PHLPP1: variants seen among roughly 807,000 people sequenced by gnomAD.
PHLPP1 encodes PH domain leucine-rich repeat-containing protein phosphatase 1.
PHLPP1 carries 42 observed loss-of-function variants against 117.2 expected under a neutral mutation model. The observed-to-expected ratio is 0.36, with a 90% CI of 0.28 to 0.46. The LOEUF (loss-of-function observed/expected upper bound fraction) is 0.46. PHLPP1 is among the 20% of genes least tolerant of loss of function. The pLI is 1.00. For synonymous variants in PHLPP1, 1,042 were observed against 970.7 expected (o/e 1.07, Z -1.37); for missense variants, 2,084 against 2,241.9 (o/e 0.93, Z 1.42).
chr18:62,926,221 C>T (rs1206116961), intron 10 of PHLPP1, among the ~76,000 whole-genome samples: 1 of 152,046 alleles, frequency 6.6e-6, no homozygotes, highest in Non-Finnish European at 1.5e-5. Flanking sequence ...CCCTATTTCT[C>T]CCAAAAAAAT....
At chr18:62,931,525 A>G (rs1188656172) in intron 10 of PHLPP1, among the ~76,000 whole-genome samples, 3 of 152,036 alleles carry the variant, frequency 2.0e-5, no homozygotes, top group East Asian at 1.9e-4. Flanking sequence ...ACCAAAAAAA[A>G]AAAAGAGTCA....
chr18:62,772,973 C>A (rs1254515953), intron 1 of PHLPP1, among the ~76,000 whole-genome samples: 1 of 150,362 alleles, frequency 6.7e-6, no homozygotes. Context: ...CCAAAAAAAA[C>A]TCTAAAATTG....
At chr18:62,869,525 C>A (rs948282834) in intron 4 of PHLPP1, among the ~76,000 whole-genome samples, 6 of 152,150 alleles carry the variant, frequency 3.9e-5, no homozygotes, top group Non-Finnish European at 5.9e-5. Context: ...TCATCACTAT[C>A]CTGACTTAGA....
At chr18:62,824,325 A>G in intron 1 of PHLPP1, 1 of 399,190 alleles carries the variant, frequency 2.5e-6, no homozygotes, top group Non-Finnish European at 4.8e-6. Context: ...AAGACTGTAA[A>G]GAATTCAAGT....
At position 62,927,083 on chromosome 18, in the gene PHLPP1, A is replaced by G. The variant is rs367579102; in HGVS notation, c.2960+6969A>G. Among the ~76,000 whole-genome samples the G allele has an allele frequency of 3.9e-5, 6 of 152,284 alleles. No individual in the cohort carries two copies. The South Asian group carries it at 1.2e-3, about 32-fold the overall frequency. On this transcript the variant is annotated intron_variant, in intron 10 of 16. Transcript: ENST00000262719. ...CCAGAAATACAGTAATTGAAGGAAA[A>G]TTGGCAATTGGATTGGTAAAGAGGA...
intron 4 of PHLPP1, among the ~76,000 whole-genome samples, chr18:62,889,249 G>T (rs1009651491): frequency 2.0e-5 from 3 of 152,164 alleles, no homozygotes; most frequent in Non-Finnish European, 2.9e-5. Context: ...GAATGCAAAG[G>T]GGGTGGGGAA....
intron 3 of PHLPP1, among the ~76,000 whole-genome samples, chr18:62,853,457 C>CCT (rs1438593772): frequency 6.6e-6 from 1 of 151,658 alleles, no homozygotes; most frequent in Non-Finnish European, 1.5e-5. Flanking sequence ...GCAACCTCTG[C>CCT]CTCTCGGGTT....
At chr18:62,877,690 C>T (rs1418949981) in intron 4 of PHLPP1, among the ~76,000 whole-genome samples, 1 of 152,206 alleles carries the variant, frequency 6.6e-6, no homozygotes, top group Admixed American at 6.5e-5. Flanking sequence ...GAATTGTGAT[C>T]CTCTTGGGAA....
intron 1 of PHLPP1, among the ~76,000 whole-genome samples, chr18:62,801,149 A>G (rs956009044): frequency 6.7e-6 from 1 of 148,196 alleles, no homozygotes; most frequent in African/African-American, 2.5e-5. Context: ...CCTGGGCCCC[A>G]GTGATTCTCC....
intron 2 of PHLPP1, among the ~76,000 whole-genome samples, chr18:62,831,343 T>C (rs1914751566): frequency 1.1e-5 from 1 of 94,366 alleles, no homozygotes; most frequent in Non-Finnish European, 2.0e-5. Context: ...TTTCTTTTTC[T>C]TTTTTTTTTT....
chr18:62,810,665 G>C (rs1914086933), intron 1 of PHLPP1, among the ~76,000 whole-genome samples: 1 of 152,126 alleles, frequency 6.6e-6, no homozygotes, highest in South Asian at 2.1e-4. Context: ...CATATGTTCT[G>C]ACTCAGGTTG....
intron 1 of PHLPP1, among the ~76,000 whole-genome samples, chr18:62,722,737 T>C (rs1910960359): frequency 6.6e-6 from 1 of 152,200 alleles, no homozygotes; most frequent in Admixed American, 6.5e-5. Flanking sequence ...ACTGACTGGA[T>C]TTGTATGAAA....
intron 14 of PHLPP1, among the ~76,000 whole-genome samples, chr18:62,968,884 C>G (rs1265911989): frequency 6.6e-6 from 1 of 152,140 alleles, no homozygotes; most frequent in Non-Finnish European, 1.5e-5. Flanking sequence ...TTCCTCCACT[C>G]TCTCATTCCT....
rs771225168 is a variant in PHLPP1, at chr18:62,941,780, A to T, written c.3023A>T (p.Glu1008Val). Residue 1008 changes from glutamate (E) to valine (V), a missense_variant, in exon 11 of 17, where the codon GAA becomes GTA. By Grantham distance (121) the Glu-to-Val change is moderately radical. Around this residue, in one of 2 missense-constraint regions of PHLPP1, gnomAD observed 1,365 missense variants for 1,605.9 expected, o/e 0.85. Coordinates refer to ENST00000262719, the MANE Select transcript of PHLPP1 (RefSeq NM_194449.4). ...AGCCTTCCTCCAGCCACGCTTTCCGAAGAGACAAACAGTATCTTACAAGAG... is the reference window on the plus strand; with the variant it reads ...AGCCTTCCTCCAGCCACGCTTTCCGTAGAGACAAACAGTATCTTACAAGAG... ...LESLPPATLS[E>V]ETNSILQELY... The T allele has an allele frequency of 6.2e-7, 1 of 1,613,838 alleles. No homozygotes were observed. The highest frequency in any genetic ancestry group is 1.3e-5 in the African/African-American group (1 of 74,936).
intron 4 of PHLPP1, among the ~76,000 whole-genome samples, chr18:62,868,135 C>G (rs901173899): frequency 6.6e-6 from 1 of 152,092 alleles, no homozygotes; most frequent in Admixed American, 6.6e-5. Context: ...TTTAACTTCC[C>G]TGTTTTCAGA....
rs1278646134 is a variant in PHLPP1, at chr18:62,979,320, C to G, written c.5043C>G (p.His1681Gln). 6 of 1,552,968 alleles carry G rather than the reference C, an allele frequency of 3.9e-6. No homozygotes were observed. In the South Asian group the frequency reaches 5.9e-5, roughly 15 times the overall value. The change falls in exon 17 of 17, where the codon CAC becomes CAG. Residue 1681 changes from histidine to glutamine, a missense_variant. Physicochemically the swap from His to Gln is conservative, Grantham distance 24 (BLOSUM62 0). Transcript: ENST00000262719. ...AGGTCAAAGAAATCATGAAGCATCA[C>G]CAGGAGCAACAGCAGCAGCAGCAGC... ...EEEVKEIMKH[H>Q]QEQQQQQQPP...
At chr18:62,779,306 A>G (rs1343398899) in intron 1 of PHLPP1, 3 of 151,882 alleles carry the variant, frequency 2.0e-5, no homozygotes, top group Non-Finnish European at 4.4e-5. Context: ...CCTCAGAGCA[A>G]TCTTCAGCAG....
At chr18:62,750,287 T>TA (rs1441069034) in intron 1 of PHLPP1, among the ~76,000 whole-genome samples, 2 of 152,200 alleles carry the variant, frequency 1.3e-5, no homozygotes, top group African/African-American at 4.8e-5. Flanking sequence ...TCACTGGAGA[T>TA]ACATACAGAA....
Position 62,839,157 on chromosome 18 carries a change from A to G in PHLPP1, c.1899+248A>G, listed in dbSNP as rs139677019. 2.1e-4 allele frequency: 82 copies of G among 393,710 alleles called. 1 individual carries two copies. The East Asian group carries it at 3.5e-3, about 17-fold the overall frequency. The allele number at this position is 393,710 out of a possible 1,614,324, so 24.4% of individuals were successfully genotyped here. A position where few individuals can be genotyped will look rare whatever the true frequency, so the allele number is the denominator to read the frequency against. On this transcript the variant is annotated intron_variant, in intron 3 of 16. Coordinates refer to ENST00000262719, the MANE Select transcript of PHLPP1 (RefSeq NM_194449.4). ...AATTGGTCTGTAAACAGGCATTACT[A>G]TCTTAATGTTGTAGATAAAAAACAT...
Sources: gnomAD v4.1 joint callset for allele counts (sites outside exome capture counted in the v4.1 genomes callset) on GRCh38, gnomAD v4.1.1 for gene constraint, gnomAD v4.1.1 regional missense constraint, MANE v1.5 for transcripts, NCBI Gene and HGNC (gene_info 2026-07-23, HGNC 2026-07-21) for gene names.